Variants in CRYBG2 observed in about 807,000 individuals in gnomAD.
The protein encoded by CRYBG2 is beta/gamma crystallin domain-containing protein 2.
Under a neutral mutation model 153.4 loss-of-function variants are expected in CRYBG2, and 106 were observed. The observed-to-expected ratio is 0.69, with a 90% CI of 0.59 to 0.81. The LOEUF is 0.81. CRYBG2 is among the 30% of genes least tolerant of loss of function. CRYBG2 has a pLI of 0.00. For synonymous variants in CRYBG2, 851 were observed against 877.8 expected (o/e 0.97, Z 0.54); for missense variants, 1,996 against 2,112.0 (o/e 0.95, Z 1.08).
At position 26,336,686 on chromosome 1, in the gene CRYBG2, G is replaced by A; in HGVS notation, c.3958C>T (p.Leu1320=). ...CAGTTACGATACACGCCCTTCTCCA[G>A]CACGTACTGTTCCCCGGAGAAGCCC... ...EVGFSGEQYV[L]EKGVYRNCED... Residue 1320 remains leucine, a synonymous_variant, in exon 12 of 20, where the codon CTG becomes TTG. Coordinates refer to ENST00000308182, the MANE Select transcript of CRYBG2 (RefSeq NM_001039775.4). The surrounding 1 kb of genome is among the most constrained non-coding windows in gnomAD (Gnocchi z 4.9). 6.4e-7 allele frequency: 1 copy of A among 1,566,514 alleles called. No homozygotes were observed. The highest frequency in any genetic ancestry group is 8.7e-7 in the Non-Finnish European group (1 of 1,155,284).
chr1:26,331,412 A>G lies in CRYBG2; in HGVS notation c.4314+77T>C, dbSNP rs2073994929. The G allele has an allele frequency of 3.1e-5, 49 of 1,567,122 alleles. No homozygotes were observed. In the South Asian group the frequency reaches 5.0e-4, roughly 16 times the overall value. ...CTGGAATCAACCCCTGCACCAGCAC[A>G]CAGGTTCTGTGTCCAGAAGTCCCAC... is the stretch of plus-strand genomic sequence containing the variant. On this transcript the variant is annotated intron_variant, in intron 15 of 19. Transcript: ENST00000308182.
Position 26,336,276 on chromosome 1 carries a change from A to T in CRYBG2, c.4071+62T>A. 9 of 1,604,604 alleles carry T rather than the reference A, an allele frequency of 5.6e-6. No individual in the cohort carries two copies. Among genetic ancestry groups the T allele is most frequent in the Non-Finnish European group, 6.8e-6 (8 of 1,174,736 alleles). On this transcript the variant is annotated intron_variant, in intron 13 of 19. Coordinates refer to ENST00000308182, the MANE Select transcript of CRYBG2 (RefSeq NM_001039775.4). This position sits in a 1 kb window ranked among gnomAD's most constrained non-coding sequence, Gnocchi z 4.9. ...TGGGGCCGAGAACAGCGGGGAGGGGAAAGGTCCGAAATGAGGGGAGAGACG... is the reference window on the plus strand; with the variant it reads ...TGGGGCCGAGAACAGCGGGGAGGGGTAAGGTCCGAAATGAGGGGAGAGACG...
rs1401405788 is a variant in CRYBG2, at chr1:26,323,431, T to G, written c.4737+721A>C. On this transcript the variant is annotated intron_variant, in intron 18 of 19. Coordinates refer to ENST00000308182, the MANE Select transcript of CRYBG2 (RefSeq NM_001039775.4). Reference sequence around the variant, plus strand: ...CTTCCTCTATTGAACTTTCATCCTGTAAGACACTAAGATATTCTGCCCATT... The same window carrying G: ...CTTCCTCTATTGAACTTTCATCCTGGAAGACACTAAGATATTCTGCCCATT... Among the ~76,000 whole-genome samples, 4 of 152,228 alleles carry G rather than the reference T, an allele frequency of 2.6e-5. No homozygotes were observed. The East Asian group carries it at 7.7e-4, about 29-fold the overall frequency.
chr1:26,324,392 C>T, intron 17 of CRYBG2, 82 bp from the exon 18 acceptor site: 2 of 1,406,986 alleles, frequency 1.4e-6, no homozygotes, highest in South Asian at 2.8e-5. Context: ...CTGGACTCTC[C>T]AGTATCAGGC....
rs550104475 is a variant in CRYBG2 at position 26,337,164 on chromosome 1, G to C, written c.3771+89C>G. The C allele has an allele frequency of 5.7e-6, 9 of 1,579,458 alleles. No individual in the cohort carries two copies. The African/African-American group carries it at 8.1e-5, about 14-fold the overall frequency. ...ACACTTACAGGGAGAACACGGAGAGGGGGTACAAATTCTTCCCTCCACAAA... is the reference window on the plus strand; with the variant it reads ...ACACTTACAGGGAGAACACGGAGAGCGGGTACAAATTCTTCCCTCCACAAA... On this transcript the variant is annotated intron_variant, in intron 10 of 19. Coordinates refer to ENST00000308182, the MANE Select transcript of CRYBG2 (RefSeq NM_001039775.4).
chr1:26,322,188 C>T lies in CRYBG2; in HGVS notation c.4873G>A (p.Glu1625Lys), dbSNP rs750756396. The stretch of plus-strand genomic sequence containing the variant: ...CCCTTCACGTCCAGGATCTGGCCTT[C>T]GAACATCTGGCTGCAGATGTGGCCC... ...ESGHICSQMF[E>K]GQILDVKGGR... is the part of the protein sequence containing the mutation. Residue 1625 changes from glutamate to lysine, a missense_variant, in exon 19 of 20, where the codon GAA becomes AAA. Coordinates refer to ENST00000308182, the MANE Select transcript of CRYBG2 (RefSeq NM_001039775.4). 1.3e-5 allele frequency: 21 copies of T among 1,613,968 alleles called. No individual in the cohort carries two copies. The highest frequency in any genetic ancestry group is 4.5e-5 in the East Asian group (2 of 44,900).
chr1:26,335,139 C>A (rs1570180666), intron 14 of CRYBG2, among the ~76,000 whole-genome samples: 1 of 149,196 alleles, frequency 6.7e-6, no homozygotes, highest in Admixed American at 6.6e-5. Context: ...AAAAAATGTA[C>A]AAAATGATCC....
rs1325828683 is a variant in CRYBG2, at chr1:26,338,442, G to A, written c.3380C>T (p.Thr1127Ile). ...CTCTCCAGGTTCCAGGATGTAGGGA[G>A]TGTCTTCGAATAATGGTTTGGGGTA... ...LLYPKPLFED[T>I]PYILEPGEYP... is the part of the protein sequence containing the mutation. The change falls in exon 7 of 20, where the codon ACT becomes ATT. Residue 1127 changes from threonine to isoleucine, a missense_variant. Transcript: ENST00000308182. 1 of 1,613,074 alleles carries A rather than the reference G, an allele frequency of 6.2e-7. No homozygotes were observed. The highest frequency in any genetic ancestry group is 8.5e-7 in the Non-Finnish European group (1 of 1,179,550).
In CRYBG2 at chr1:26,337,251, A is replaced by G; in HGVS notation, c.3771+2T>C. Reference sequence around the variant, plus strand: ...AGGGATGGGCCAATTGCCTTTGCTTACCGTCCGGATGACCCGGAGGGAGGT... The same window carrying G: ...AGGGATGGGCCAATTGCCTTTGCTTGCCGTCCGGATGACCCGGAGGGAGGT... On this transcript the variant is annotated splice_donor_variant, in intron 10 of 19. Coordinates refer to ENST00000308182, the MANE Select transcript of CRYBG2 (RefSeq NM_001039775.4). LOFTEE classifies it high-confidence loss of function. 6.2e-7 allele frequency: 1 copy of G among 1,613,922 alleles called. No homozygotes were observed. Among genetic ancestry groups the G allele is most frequent in the Non-Finnish European group, 8.5e-7 (1 of 1,179,944 alleles).
chr1:26,333,044 A>AAAAAAAAAAAAAC (rs1557707001), intron 14 of CRYBG2, among the ~76,000 whole-genome samples: 1 of 138,166 alleles, frequency 7.2e-6, no homozygotes, highest in Non-Finnish European at 1.5e-5. Flanking sequence ...AAAAAAAAAA[A>AAAAAAAAAAAAAC]AAGATTTCTA....
At position 26,336,434 on chromosome 1, in the gene CRYBG2, G is replaced by C. The variant is rs1423767836; in HGVS notation, c.4039-64C>G. 10 of 1,593,804 alleles carry C rather than the reference G, an allele frequency of 6.3e-6. No individual in the cohort carries two copies. Among genetic ancestry groups the C allele is most frequent in the Non-Finnish European group, 8.5e-6 (10 of 1,170,294 alleles). On this transcript the variant is annotated intron_variant, in intron 12 of 19. Coordinates refer to ENST00000308182, the MANE Select transcript of CRYBG2 (RefSeq NM_001039775.4). This position sits in a 1 kb window ranked among gnomAD's most constrained non-coding sequence, Gnocchi z 4.9. ...CGGCCCCTAGCCTTGTCTTCTCTAGGTTTCAGTACCGTCCACCCCGCGGCC... is the reference window on the plus strand; with the variant it reads ...CGGCCCCTAGCCTTGTCTTCTCTAGCTTTCAGTACCGTCCACCCCGCGGCC...
At position 26,325,566 on chromosome 1, in the gene CRYBG2, A is replaced by T. The variant is rs1382523694; in HGVS notation, c.4579-1256T>A. Reference sequence around the variant, plus strand: ...CAGAGTAGGACTCCATCTCAAAAATAAATTAATTAATAAAAATTAAAAAAA... The same window carrying T: ...CAGAGTAGGACTCCATCTCAAAAATTAATTAATTAATAAAAATTAAAAAAA... On this transcript the variant is annotated intron_variant, in intron 17 of 19. Coordinates refer to ENST00000308182, the MANE Select transcript of CRYBG2 (RefSeq NM_001039775.4). This position sits in a 1 kb window ranked among gnomAD's most constrained non-coding sequence, Gnocchi z 4.1. Among the ~76,000 whole-genome samples, 1 of 151,752 alleles carries T rather than the reference A, an allele frequency of 6.6e-6. No individual in the cohort carries two copies. The highest frequency in any genetic ancestry group is 1.5e-5 in the Non-Finnish European group (1 of 67,970).
At chr1:26,341,823 C>A (rs934366000) in intron 5 of CRYBG2, among the ~76,000 whole-genome samples, 1 of 152,288 alleles carries the variant, frequency 6.6e-6, no homozygotes, top group Non-Finnish European at 1.5e-5. Context: ...ACCACACAGC[C>A]CTTCCTCAAA....
rs1399951033 is a variant in CRYBG2 at position 26,338,427 on chromosome 1, T to C, written c.3395A>G (p.Glu1132Gly). The change falls in exon 7 of 20, where the codon GAA becomes GGA. Residue 1132 changes from glutamate (E) to glycine (G), a missense_variant. Glu to Gly is a moderately conservative substitution (Grantham distance 98, BLOSUM62 -2). Transcript: ENST00000308182. ...PLFEDTPYIL[E>G]PGEYPTSEAW... ...CTCTGAGGTGGGGTACTCTCCAGGT[T>C]CCAGGATGTAGGGAGTGTCTTCGAA... 1.2e-6 allele frequency: 2 copies of C among 1,613,470 alleles called. No homozygotes were observed. The highest frequency in any genetic ancestry group is 1.7e-6 in the Non-Finnish European group (2 of 1,179,734).
In CRYBG2 at chr1:26,336,730, C is replaced by T; in HGVS notation, c.3914G>A (p.Trp1305Ter). 3 of 1,583,758 alleles carry T rather than the reference C, an allele frequency of 1.9e-6. No homozygotes were observed. The highest frequency in any genetic ancestry group is 2.3e-5 in the East Asian group (1 of 43,366). The change falls in exon 12 of 20, where the codon TGG (tryptophan) becomes TAG (stop). Residue 1305 changes from tryptophan to a stop codon, truncating the protein, a stop_gained and splice_region_variant. Transcript: ENST00000308182. LOFTEE classifies it high-confidence loss of function. The surrounding 1 kb of genome is among the most constrained non-coding windows in gnomAD (Gnocchi z 4.9). ...GAAGCCCACCTCCTGGTAGGCCACC[C>T]ACCTGCAGGAAGGGCGGGGCGCGAG... The part of the protein sequence containing the change: ...TQAIHVLSGV[W>*]VAYQEVGFSG...
At chr1:26,349,483 G>A (rs781226321) in intron 1 of CRYBG2, among the ~76,000 whole-genome samples, 36 of 152,224 alleles carry the variant, frequency 2.4e-4, no homozygotes, top group South Asian at 4.2e-4. Context: ...CTCACCCTCC[G>A]TCCTGGAGGG....
At chr1:26,328,186 TC>T in intron 17 of CRYBG2, 22 bp downstream of exon 17, 5 of 1,557,040 alleles carry the variant, frequency 3.2e-6, no homozygotes, top group Non-Finnish European at 4.3e-6. Flanking sequence ...CCAGACACGC[TC>T]AGCTCCAGCC....
At position 26,336,037 on chromosome 1, in the gene CRYBG2, T is replaced by TCCTGCAGCCCCGCCTCTGCC; in HGVS notation, c.4184+38_4184+57dup. ...AAGGAAATCATTTGAAAGACTCTCC[T>TCCTGCAGCCCCGCCTCTGCC]CCTGCAGCCCCGCCTCTGCCCCAGC... On this transcript the variant is annotated intron_variant, in intron 14 of 19. Coordinates refer to ENST00000308182, the MANE Select transcript of CRYBG2 (RefSeq NM_001039775.4). The surrounding 1 kb of genome is among the most constrained non-coding windows in gnomAD (Gnocchi z 4.9). 7.5e-7 allele frequency: 1 copy of TCCTGCAGCCCCGCCTCTGCC among 1,326,094 alleles called. No homozygotes were observed. The highest frequency in any genetic ancestry group is 1.6e-5 in the South Asian group (1 of 63,836). The allele number at this position is 1,326,094 out of a possible 1,614,324, so 82.1% of individuals were successfully genotyped here.
chr1:26,322,290 G>C lies in CRYBG2; in HGVS notation c.4771C>G (p.Pro1591Ala). The change falls in exon 19 of 20, where the codon CCC (proline) becomes GCC (alanine). Residue 1591 changes from proline (P) to alanine (A), a missense_variant. By Grantham distance (27) the Pro-to-Ala change is conservative (BLOSUM62 -1). Coordinates refer to ENST00000308182, the MANE Select transcript of CRYBG2 (RefSeq NM_001039775.4). Reference sequence around the variant, plus strand: ...ACCACCTTGGAGCCTGGGCTAGGGGGTCCAATCACCTGTAGGCTCATGGTG... The same window carrying C: ...ACCACCTTGGAGCCTGGGCTAGGGGCTCCAATCACCTGTAGGCTCATGGTG... ...APTMSLQVIG[P>A]PSPGSKVVLW... 6.2e-7 allele frequency: 1 copy of C among 1,613,730 alleles called. No individual in the cohort carries two copies. The highest frequency in any genetic ancestry group is 8.5e-7 in the Non-Finnish European group (1 of 1,179,990).
Sources: gnomAD v4.1 joint callset for allele counts (sites outside exome capture counted in the v4.1 genomes callset) on GRCh38, gnomAD v4.1.1 for gene constraint, Gnocchi (gnomAD v3.1) non-coding constraint, MANE v1.5 for transcripts, NCBI Gene and HGNC (gene_info 2026-07-23, HGNC 2026-07-21) for gene names.